GLIS3: variants seen among roughly 807,000 people sequenced by gnomAD.
The protein encoded by GLIS3 is GLIS family zinc finger 3, also known as zinc finger protein GLIS3.
GLIS3 carries 53 observed loss-of-function variants against 78.6 expected under a neutral mutation model. That is an observed-to-expected ratio of 0.67 (90% CI 0.54 to 0.85). The LOEUF (loss-of-function observed/expected upper bound fraction) is 0.85. Ranked by LOEUF, GLIS3 falls within the 40% of genes least tolerant of loss-of-function variation. The pLI is 0.00. For missense variants in GLIS3, 1,703 were observed against 1,231.1 expected, an observed-to-expected ratio of 1.38 and a Z score of -5.74; for synonymous variants, 684 against 509.9, an observed-to-expected ratio of 1.34 and a Z score of -4.60.
chr9:3,901,575 G>C (rs1823307325), intron 6 of GLIS3, among the ~76,000 whole-genome samples: 1 of 152,196 alleles, frequency 6.6e-6, no homozygotes, highest in African/African-American at 2.4e-5. Flanking sequence ...ACAACAGTAA[G>C]TTACTGTTTA....
chr9:3,962,423 G>A (rs1357895595), intron 4 of GLIS3, among the ~76,000 whole-genome samples: 1 of 152,100 alleles, frequency 6.6e-6, no homozygotes, highest in Non-Finnish European at 1.5e-5. Flanking sequence ...CCACACTCAT[G>A]CCTCACTAGT....
chr9:4,417,191 G>A, the GLIS3 span, among the ~76,000 whole-genome samples: 1 of 152,130 alleles, frequency 6.6e-6, no homozygotes, highest in Non-Finnish European at 1.5e-5. Context: ...TATTTATATA[G>A]TGATTTGTGG....
intron 4 of GLIS3, among the ~76,000 whole-genome samples, chr9:4,089,983 G>GT (rs1490508699): frequency 6.6e-6 from 1 of 152,208 alleles, no homozygotes; most frequent in African/African-American, 2.4e-5. Context: ...CGGCAGAGGG[G>GT]TGCAATGTCC....
chr9:4,289,280 G>C (rs1828254181), intron 1 of GLIS3, among the ~76,000 whole-genome samples: 1 of 152,086 alleles, frequency 6.6e-6, no homozygotes, highest in Non-Finnish European at 1.5e-5. Flanking sequence ...AGAAAAGAAA[G>C]ACTATCAAGA....
chr9:4,269,834 G>T (rs965888769), intron 2 of GLIS3, among the ~76,000 whole-genome samples: 2 of 152,188 alleles, frequency 1.3e-5, no homozygotes, highest in African/African-American at 4.8e-5. Context: ...CAGGACGGGA[G>T]AAACAAACAA....
chr9:4,189,639 G>T lies in GLIS3; in HGVS notation c.389-63698C>A, dbSNP rs528807002. ...ATTGTGTGGGAGTCTAAGTCTCTTT[G>T]TAGGTCACTCAGGACTTGCTTTATA... On this transcript the variant is annotated intron_variant, in intron 2 of 10. Transcript: ENST00000381971. Among the ~76,000 whole-genome samples the T allele has an allele frequency of 4.3e-4, 66 of 152,282 alleles. No homozygotes were observed. In the South Asian group the frequency reaches 0.011, roughly 26 times the overall value.
At chr9:4,446,330 C>T in the GLIS3 span, among the ~76,000 whole-genome samples, 5 of 152,066 alleles carry the variant, frequency 3.3e-5, no homozygotes, top group Admixed American at 6.6e-5. Flanking sequence ...GAGGCACCAT[C>T]GATGAAGTAG....
At chr9:4,303,135 C>CTTAT (rs1554654747), upstream of GLIS3, among the ~76,000 whole-genome samples, 1 of 151,916 alleles carries the variant, frequency 6.6e-6, no homozygotes. Flanking sequence ...AAACCACTTA[C>CTTAT]AAACTTGCAA....
Position 4,270,929 on chromosome 9 carries a change from G to A in GLIS3, c.388+15109C>T, listed in dbSNP as rs1023375162. On this transcript the variant is annotated intron_variant, in intron 2 of 10. Coordinates refer to ENST00000381971, the MANE Select transcript of GLIS3 (RefSeq NM_001042413.2). ...TGTGTGTGTGTGTGTGTGTGTGTGT[G>A]TGTGTATACACAACTGACCCTTGAA... is the stretch of plus-strand genomic sequence containing the variant. 3.2e-5 allele frequency among the ~76,000 whole-genome samples: 3 copies of A among 92,772 alleles called. No homozygotes were observed. The East Asian group carries it at 8.0e-4, about 25-fold the overall frequency. The allele number at this position is 92,772 out of a possible 152,430, so 60.9% of individuals were successfully genotyped here.
intron 2 of GLIS3, among the ~76,000 whole-genome samples, chr9:4,203,639 A>G (rs1819600250): frequency 6.6e-6 from 1 of 152,244 alleles, no homozygotes; most frequent in African/African-American, 2.4e-5. Context: ...TTTCAACCAA[A>G]AAGATATATG....
At chr9:4,039,782 A>T (rs145729643) in intron 4 of GLIS3, among the ~76,000 whole-genome samples, 59 of 152,216 alleles carry the variant, frequency 3.9e-4, no homozygotes, top group Admixed American at 3.9e-3. Flanking sequence ...GTGTTTTTCA[A>T]TGACTACTAC....
intron 2 of GLIS3, among the ~76,000 whole-genome samples, chr9:4,146,919 A>T (rs1432787883): frequency 6.6e-6 from 1 of 152,212 alleles, no homozygotes; most frequent in Non-Finnish European, 1.5e-5. Flanking sequence ...TCGACTTTTA[A>T]AAACTATCTT....
chr9:3,874,950 G>T (rs1031526566), intron 8 of GLIS3, among the ~76,000 whole-genome samples: 22 of 152,132 alleles, frequency 1.4e-4, no homozygotes, highest in African/African-American at 5.1e-4. Context: ...CGCACTGTTT[G>T]TGGCCTTCTT....
At chr9:4,190,739 C>G (rs1275452753) in intron 2 of GLIS3, among the ~76,000 whole-genome samples, 1 of 151,956 alleles carries the variant, frequency 6.6e-6, no homozygotes, top group Admixed American at 6.6e-5. Flanking sequence ...GTCAGATTTA[C>G]CAAAGTTGAA....
chr9:3,936,943 A>G, intron 5 of GLIS3, 85 bp downstream of exon 5: 1 of 1,578,566 alleles, frequency 6.3e-7, no homozygotes, highest in Non-Finnish European at 8.7e-7. Flanking sequence ...ACCATAAAGC[A>G]AACACTTCAC....
At chr9:4,315,279 G>A (rs991045005) in intron 2 of GLIS3, among the ~76,000 whole-genome samples, 1 of 152,120 alleles carries the variant, frequency 6.6e-6, no homozygotes, top group Non-Finnish European at 1.5e-5. Context: ...CCAACATGAT[G>A]TTGAGAGGAC....
intron 4 of GLIS3, among the ~76,000 whole-genome samples, chr9:3,940,746 G>A (rs1402700823): frequency 6.6e-6 from 1 of 152,224 alleles, no homozygotes; most frequent in East Asian, 1.9e-4. Flanking sequence ...AGCAGCGATG[G>A]AGGAAAAGGG....
the GLIS3 span, among the ~76,000 whole-genome samples, chr9:4,451,281 T>C: frequency 6.6e-6 from 1 of 152,176 alleles, no homozygotes; most frequent in Admixed American, 6.5e-5. Context: ...AAGGGATCAA[T>C]TCAATAAGAA....
chr9:4,236,204 A>AAAAAAAAAAAAAAAAAAAAAAAG (rs536737911), intron 2 of GLIS3, among the ~76,000 whole-genome samples: 33 of 86,380 alleles, frequency 3.8e-4, no homozygotes, highest in Admixed American at 8.0e-4. Flanking sequence ...AAAAAAAAAA[A>AAAAAAAAAAAAAAAAAAAAAAAG]AAAGAAAGAA....
Sources: gnomAD v4.1 joint callset for allele counts (sites outside exome capture counted in the v4.1 genomes callset) on GRCh38, gnomAD v4.1.1 for gene constraint, MANE v1.5 for transcripts, NCBI Gene and HGNC (gene_info 2026-07-23, HGNC 2026-07-21) for gene names.